The following COL17A1 variants were observed in gnomAD, a reference collection of about 807,000 sequenced individuals.
COL17A1 encodes collagen alpha-1(XVII) chain.
COL17A1 carries 181 observed loss-of-function variants against 218.4 expected under a neutral mutation model. The ratio of observed to expected loss-of-function variants is 0.83; its 90% CI spans 0.73 to 0.94. The LOEUF is 0.94. Ranked by LOEUF, COL17A1 falls within the 40% of genes least tolerant of loss-of-function variation. The pLI is 0.00. For missense variants in COL17A1, 1,924 were observed against 1,945.9 expected, an observed-to-expected ratio of 0.99 and a Z score of 0.21; for synonymous variants, 721 against 731.0, an observed-to-expected ratio of 0.99 and a Z score of 0.22.
At chr10:104,080,094 CA>C (rs2086751683) in intron 2 of COL17A1, among the ~76,000 whole-genome samples, 1 of 151,944 alleles carries the variant, frequency 6.6e-6, no homozygotes, top group African/African-American at 2.4e-5. Context: ...TCTATGGAGC[CA>C]GAATTTTTTT....
chr10:104,057,908 C>CG (rs369751315), intron 16 of COL17A1, among the ~76,000 whole-genome samples: 50 of 152,040 alleles, frequency 3.3e-4, no homozygotes, highest in Admixed American at 7.2e-4. Flanking sequence ...CAGCTGGGGG[C>CG]GGGGGGCCTG....
intron 9 of COL17A1, among the ~76,000 whole-genome samples, chr10:104,065,889 A>G (rs2086622047): frequency 6.6e-6 from 1 of 152,242 alleles, no homozygotes; most frequent in Admixed American, 6.5e-5. Context: ...CCTGAAGGAA[A>G]TAATGTATAC....
At chr10:104,080,743 G>A (rs1397166465) in intron 1 of COL17A1, 59 bp from the exon 2 acceptor site, 1 of 1,553,982 alleles carries the variant, frequency 6.4e-7, no homozygotes, top group Non-Finnish European at 8.8e-7. Context: ...AGTAATTATA[G>A]GTCCCCACTG....
At chr10:104,037,828 C>G (rs545844441) in intron 45 of COL17A1, 55 bp from the exon 46 acceptor site, 2 of 1,596,144 alleles carry the variant, frequency 1.3e-6, no homozygotes, top group African/African-American at 1.3e-5. Context: ...ACATGTTCTC[C>G]CCACGGAGGT....
In COL17A1 at chr10:104,053,041, T is replaced by C; in HGVS notation, c.1929A>G (p.Lys643=). 6.2e-7 allele frequency: 1 copy of C among 1,614,124 alleles called. No individual in the cohort carries two copies. The highest frequency in any genetic ancestry group is 2.2e-5 in the East Asian group (1 of 44,868). Residue 643 remains lysine (K), a synonymous_variant, in exon 23 of 56, where the codon AAA becomes AAG. Transcript: ENST00000648076. The part of the protein sequence containing the change: ...GEAGPPGSGE[K]GERGAAGEPG... Reference sequence around the variant, plus strand: ...GGAATTGCCTCTTACCTCTTTCCCCTTTCTCTCCAGATCCAGGAGGCCCTG... The same window carrying C: ...GGAATTGCCTCTTACCTCTTTCCCCCTTCTCTCCAGATCCAGGAGGCCCTG...
chr10:104,050,219 T>C, intron 27 of COL17A1, 95 bp from the exon 28 acceptor site: 1 of 1,564,858 alleles, frequency 6.4e-7, no homozygotes, highest in Non-Finnish European at 8.7e-7. Flanking sequence ...AGGGTAGTTC[T>C]CACTGTATCC....
chr10:104,050,022 A>AAGTC, intron 28 of COL17A1, 67 bp downstream of exon 28: 1 of 1,612,300 alleles, frequency 6.2e-7, no homozygotes, highest in East Asian at 2.2e-5. Flanking sequence ...GATTTTTTCC[A>AAGTC]ACCTAGTGAC....
At position 104,064,481 on chromosome 10, in the gene COL17A1, C is replaced by G. The variant is rs747921278; in HGVS notation, c.723G>C (p.Gln241His). Residue 241 changes from glutamine to histidine, a missense_variant, in exon 10 of 56, where the codon CAG becomes CAC. Coordinates refer to ENST00000648076, the MANE Select transcript of COL17A1 (RefSeq NM_000494.4). Reference protein sequence around the residue: ...MGTYHNNMTTQSSSLLNTNAY... With the variant: ...MGTYHNNMTTHSSSLLNTNAY... Reference sequence around the variant, plus strand: ...CATTGGTGTTGAGGAGGGATGAGCTCTGGGTTGTCATGTTGTTGTGATAGG... The same window carrying G: ...CATTGGTGTTGAGGAGGGATGAGCTGTGGGTTGTCATGTTGTTGTGATAGG... 1 of 1,614,052 alleles carries G rather than the reference C, an allele frequency of 6.2e-7. No homozygotes were observed. Among genetic ancestry groups the G allele is most frequent in the Admixed American group, 1.7e-5 (1 of 60,006 alleles).
At chr10:104,081,789 C>T (rs2086766821) in intron 1 of COL17A1, among the ~76,000 whole-genome samples, 3 of 152,196 alleles carry the variant, frequency 2.0e-5, no homozygotes, top group Admixed American at 2.0e-4. Flanking sequence ...GCAAAGTGGG[C>T]ACAGTGCCTA....
At chr10:104,038,134 C>T (rs986093812) in intron 45 of COL17A1, among the ~76,000 whole-genome samples, 36 of 152,106 alleles carry the variant, frequency 2.4e-4, no homozygotes, top group Non-Finnish European at 4.3e-4. Context: ...GAGGCTGTGT[C>T]GGGGGCAGCT....
intron 11 of COL17A1, 37 bp from the exon 12 acceptor site, chr10:104,062,366 C>A (rs1202353575): frequency 9.9e-6 from 16 of 1,614,066 alleles, no homozygotes; most frequent in African/African-American, 4.0e-5. Context: ...GTACAGGGAG[C>A]ACGGGGGATG....
chr10:104,047,619 C>T, intron 31 of COL17A1, 120 bp downstream of exon 31: 1 of 823,566 alleles, frequency 1.2e-6, no homozygotes. Context: ...TGCACATATA[C>T]ACCCCTTCCC....
Position 104,049,411 on chromosome 10 carries a change from A to G in COL17A1, c.2225T>C (p.Met742Thr). The G allele has an allele frequency of 3.1e-6, 5 of 1,614,124 alleles. No homozygotes were observed. The highest frequency in any genetic ancestry group is 1.3e-5 in the African/African-American group (1 of 75,030). Residue 742 changes from methionine to threonine, a missense_variant and splice_region_variant, in exon 29 of 56, where the codon ATG becomes ACG. By Grantham distance (81) the Met-to-Thr change is moderately conservative. Transcript: ENST00000648076. ...ATCCATTCCTTTGGAACACTTACCC[A>G]TTGCTCCTTTAGCCCCGGGCTCACC... ...AVGEPGAKGAMGPAGPDGHQG... is the reference protein window; with the variant it reads ...AVGEPGAKGATGPAGPDGHQG...
chr10:104,064,532 G>C lies in COL17A1; in HGVS notation c.672C>G (p.Thr224=), dbSNP rs137868472. 6.2e-7 allele frequency: 1 copy of C among 1,614,080 alleles called. No individual in the cohort carries two copies. Among genetic ancestry groups the C allele is most frequent in the Admixed American group, 1.7e-5 (1 of 60,014 alleles). The stretch of plus-strand genomic sequence containing the variant: ...TCCCCATGGAGGACCCCGCGGGCAG[G>C]GTGGAGGACCACACATGGGAGGGAA... ...ANLPSHVWSS[T]LPAGSSMGTY... is the part of the protein sequence containing the mutation. The change falls in exon 10 of 56, where the codon ACC becomes ACG. Residue 224 remains threonine, a synonymous_variant. Coordinates refer to ENST00000648076, the MANE Select transcript of COL17A1 (RefSeq NM_000494.4).
chr10:104,050,602 G>T lies in COL17A1; in HGVS notation c.2128+19C>A. ...TGAGGCAGGCCCTGGTAATGACAGA[G>T]CAGCAGTGAGTGGCATACCTTTGGG... On this transcript the variant is annotated intron_variant, in intron 27 of 55. Coordinates refer to ENST00000648076, the MANE Select transcript of COL17A1 (RefSeq NM_000494.4). The T allele has an allele frequency of 6.2e-7, 1 of 1,612,836 alleles. No homozygotes were observed. Among genetic ancestry groups the T allele is most frequent in the South Asian group, 1.1e-5 (1 of 91,004 alleles).
chr10:104,037,497 C>T (rs1322424056), intron 46 of COL17A1, 139 bp downstream of exon 46: 19 of 1,192,924 alleles, frequency 1.6e-5, no homozygotes, highest in East Asian at 2.3e-5. Flanking sequence ...CCCAGTGGCC[C>T]GATTATTATG....
chr10:104,070,095 G>A, intron 9 of COL17A1, among the ~76,000 whole-genome samples: 1 of 152,086 alleles, frequency 6.6e-6, no homozygotes, highest in East Asian at 1.9e-4. Flanking sequence ...ATAGGGCCCA[G>A]TACTAGGGGT....
chr10:104,035,196 G>C, intron 50 of COL17A1, 67 bp downstream of exon 50: 1 of 1,350,060 alleles, frequency 7.4e-7, no homozygotes, highest in Non-Finnish European at 1.0e-6. Context: ...CCTTGCTAAA[G>C]CCCATGGGAG....
intron 48 of COL17A1, 47 bp from the exon 49 acceptor site, chr10:104,035,610 A>T: frequency 6.8e-7 from 1 of 1,470,736 alleles, no homozygotes. Context: ...GCAGATGGAA[A>T]CACCTGTCAG....
Sources: gnomAD v4.1 joint callset for allele counts (sites outside exome capture counted in the v4.1 genomes callset) on GRCh38, gnomAD v4.1.1 for gene constraint, MANE v1.5 for transcripts, NCBI Gene and HGNC (gene_info 2026-07-23, HGNC 2026-07-21) for gene names.